SLCO3A1: variants seen among roughly 807,000 people sequenced by gnomAD.
SLCO3A1 encodes PGE1 transporter.
A neutral mutation model predicts 63.1 loss-of-function variants in SLCO3A1; 27 were observed. That is an observed-to-expected ratio of 0.43 (90% CI 0.32 to 0.59). The LOEUF is 0.59. SLCO3A1 is among the 20% of genes least tolerant of loss of function. SLCO3A1 has a pLI of 0.09. For synonymous variants in SLCO3A1, 473 were observed against 409.9 expected (o/e 1.15, Z -1.86); for missense variants, 773 against 945.8 (o/e 0.82, Z 2.40).
chr15:92,162,977 C>T lies in SLCO3A1; in HGVS notation c.1975C>T (p.His659Tyr). 2 of 1,614,032 alleles carry T rather than the reference C, an allele frequency of 1.2e-6. No homozygotes were observed. Among genetic ancestry groups the T allele is most frequent in the Non-Finnish European group, 1.7e-6 (2 of 1,179,940 alleles). The change falls in exon 10 of 10, where the codon CAC (histidine) becomes TAC (tyrosine). Residue 659 changes from histidine to tyrosine, a missense_variant. His to Tyr is a moderately conservative substitution (Grantham distance 83). Around this residue, in one of 3 missense-constraint regions of SLCO3A1, gnomAD observed 139 missense variants for 131.4 expected, o/e 1.06. Coordinates refer to ENST00000318445, the MANE Select transcript of SLCO3A1 (RefSeq NM_013272.4). ...AAACTATAAACGCTACATCAAAAAC[C>T]ACGAGGGCGGGCTGAGCACCAGTGA... ...RKNYKRYIKN[H>Y]EGGLSTSEFF...
At chr15:91,944,404 C>T (rs1945368311) in intron 2 of SLCO3A1, among the ~76,000 whole-genome samples, 2 of 152,148 alleles carry the variant, frequency 1.3e-5, no homozygotes, top group Admixed American at 6.5e-5. Flanking sequence ...CCAGACCTAT[C>T]CACCAAAGTG....
chr15:92,103,442 G>A (rs1333918652), intron 3 of SLCO3A1, among the ~76,000 whole-genome samples: 2 of 152,132 alleles, frequency 1.3e-5, no homozygotes, highest in African/African-American at 4.8e-5. Flanking sequence ...CATATGCATA[G>A]CCCCTTTAAG....
At chr15:92,169,650 G>A (rs1267561001), downstream of SLCO3A1, among the ~76,000 whole-genome samples, 1 of 152,240 alleles carries the variant, frequency 6.6e-6, no homozygotes, top group Non-Finnish European at 1.5e-5. Context: ...CACAGTGCTG[G>A]TCATCGGCTC....
At chr15:91,891,139 G>T (rs1176514235) in intron 1 of SLCO3A1, among the ~76,000 whole-genome samples, 2 of 106,830 alleles carry the variant, frequency 1.9e-5, no homozygotes, top group African/African-American at 1.1e-4. Flanking sequence ...TTGGCATTTT[G>T]GAAAAAAAAA....
chr15:92,067,300 C>T (rs1374924919), intron 2 of SLCO3A1, among the ~76,000 whole-genome samples: 2 of 152,146 alleles, frequency 1.3e-5, no homozygotes, highest in Admixed American at 6.5e-5. Flanking sequence ...AGGCCAAGTT[C>T]GATCCCCTCC....
At chr15:92,030,709 C>T (rs1336469714) in intron 2 of SLCO3A1, among the ~76,000 whole-genome samples, 1 of 152,144 alleles carries the variant, frequency 6.6e-6, no homozygotes, top group Non-Finnish European at 1.5e-5. Context: ...GGTCCCACCC[C>T]ACCATGGCAG....
At chr15:92,054,435 T>C (rs76691599) in intron 2 of SLCO3A1, among the ~76,000 whole-genome samples, 2 of 152,348 alleles carry the variant, frequency 1.3e-5, no homozygotes, top group South Asian at 2.1e-4. Flanking sequence ...TGAAATGCTT[T>C]TTAAGTCAAA....
chr15:92,013,497 G>A (rs2151464184), intron 2 of SLCO3A1, among the ~76,000 whole-genome samples: 1 of 152,310 alleles, frequency 6.6e-6, no homozygotes, highest in South Asian at 2.1e-4. Flanking sequence ...ATTTGTTCCT[G>A]TGGTCTGATG....
intron 3 of SLCO3A1, among the ~76,000 whole-genome samples, chr15:92,099,851 C>T (rs1017136573): frequency 1.3e-5 from 2 of 152,030 alleles, no homozygotes; most frequent in African/African-American, 2.4e-5. Context: ...CACCTGAGGT[C>T]AGGAGTTTGA....
chr15:91,990,794 T>C (rs2046117172), intron 2 of SLCO3A1, among the ~76,000 whole-genome samples: 1 of 152,044 alleles, frequency 6.6e-6, no homozygotes, highest in Non-Finnish European at 1.5e-5. Flanking sequence ...CATCCCCCAT[T>C]CTAGAATACA....
chr15:91,893,089 A>C (rs1227379318), intron 1 of SLCO3A1, among the ~76,000 whole-genome samples: 2 of 152,242 alleles, frequency 1.3e-5, no homozygotes, highest in African/African-American at 4.8e-5. Context: ...AGCTTTCTGC[A>C]TTATGGGAAG....
intron 3 of SLCO3A1, 79 bp downstream of exon 3, chr15:92,095,058 C>T: frequency 1.1e-6 from 1 of 946,048 alleles, no homozygotes; most frequent in Middle Eastern, 2.2e-4. Flanking sequence ...CCTGTGGGTT[C>T]TAAAACCTTC....
intron 2 of SLCO3A1, among the ~76,000 whole-genome samples, chr15:92,035,284 T>C (rs995244989): frequency 1.3e-5 from 2 of 151,850 alleles, no homozygotes; most frequent in African/African-American, 4.8e-5. Context: ...GTTATGTCAA[T>C]AGCAGCGCAA....
chr15:91,883,263 G>C lies in SLCO3A1; in HGVS notation c.180+29175G>C, dbSNP rs1897640676. Among the ~76,000 whole-genome samples the C allele has an allele frequency of 6.6e-6, 1 of 152,220 alleles. No homozygotes were observed. The highest frequency in any genetic ancestry group is 1.5e-5 in the Non-Finnish European group (1 of 68,048). On this transcript the variant is annotated intron_variant, in intron 1 of 9. Transcript: ENST00000318445. The surrounding 1 kb of genome is among the most constrained non-coding windows in gnomAD (Gnocchi z 4.8). ...CCAGGAGTCTTCCTGTGTGAAGTCA[G>C]CTTGTTTGGAGAGTGAAGAGAGAAA...
intron 2 of SLCO3A1, among the ~76,000 whole-genome samples, chr15:92,090,969 G>T (rs1358485948): frequency 1.3e-5 from 2 of 152,152 alleles, no homozygotes; most frequent in South Asian, 2.1e-4. Context: ...TTGCCCAAAG[G>T]TTCATGGAGC....
Position 92,016,254 on chromosome 15 carries a change from T to TAGATAGATAGA in SLCO3A1, c.647-78627_647-78626insAGATAGATAGA. On this transcript the variant is annotated intron_variant, in intron 2 of 9. Transcript: ENST00000318445. Reference sequence around the variant, plus strand: ...ATAGATAGATAGATAGATAGATAGATTAGATAGATAGATAGATAGATAGAT... The same window carrying TAGATAGATAGA: ...ATAGATAGATAGATAGATAGATAGATAGATAGATAGATAGATAGATAGATAGATAGATAGAT... Among the ~76,000 whole-genome samples the TAGATAGATAGA allele has an allele frequency of 2.5e-4, 24 of 95,708 alleles. 1 individual carries two copies. Among genetic ancestry groups the TAGATAGATAGA allele is most frequent in the Non-Finnish European group, 4.3e-4 (20 of 46,500 alleles). The allele number at this position is 95,708 out of a possible 152,430, so 62.8% of individuals were successfully genotyped here.
At chr15:92,043,682 C>T (rs1272292780) in intron 2 of SLCO3A1, among the ~76,000 whole-genome samples, 1 of 152,238 alleles carries the variant, frequency 6.6e-6, no homozygotes, top group Non-Finnish European at 1.5e-5. Context: ...TCACATTTTT[C>T]AACCCACTGC....
intron 2 of SLCO3A1, among the ~76,000 whole-genome samples, chr15:92,031,293 G>C (rs147440656): frequency 1.1e-4 from 16 of 152,262 alleles, no homozygotes; most frequent in Non-Finnish European, 1.9e-4. Context: ...AGTATAAAAA[G>C]ACTTGGAAAA....
At chr15:92,094,831 A>T in intron 2 of SLCO3A1, 50 bp from the exon 3 acceptor site, 1 of 1,227,070 alleles carries the variant, frequency 8.1e-7, no homozygotes. Context: ...GATTTTGCTC[A>T]TCGAATAGCT....
Sources: gnomAD v4.1 joint callset for allele counts (sites outside exome capture counted in the v4.1 genomes callset) on GRCh38, gnomAD v4.1.1 for gene constraint, gnomAD v4.1.1 regional missense constraint, Gnocchi (gnomAD v3.1) non-coding constraint, MANE v1.5 for transcripts, NCBI Gene and HGNC (gene_info 2026-07-23, HGNC 2026-07-21) for gene names.